Variants in FAM135A observed in about 807,000 individuals in gnomAD.
FAM135A encodes family with sequence similarity 135 member A.
Under a neutral mutation model 146.8 loss-of-function variants are expected in FAM135A, and 79 were observed. The observed-to-expected ratio is 0.54, with a 90% CI of 0.45 to 0.65. FAM135A has a LOEUF of 0.65. FAM135A is among the 30% of genes least tolerant of loss of function. The pLI, the probability that FAM135A is intolerant of heterozygous loss-of-function variation, is 0.00. For missense variants in FAM135A, 1,623 were observed against 1,758.2 expected, an observed-to-expected ratio of 0.92 and a Z score of 1.38; for synonymous variants, 562 against 603.6, an observed-to-expected ratio of 0.93 and a Z score of 1.01.
intron 12 of FAM135A, among the ~76,000 whole-genome samples, chr6:70,520,113 C>G (rs146150381): frequency 2.9e-3 from 440 of 151,950 alleles, no homozygotes; most frequent in African/African-American, 9.9e-3. Context: ...TCATCACGTT[C>G]TCATCATTTC....
At chr6:70,523,921 G>T (rs934782353) in intron 13 of FAM135A, 46 bp from the exon 14 acceptor site, 20 of 1,572,240 alleles carry the variant, frequency 1.3e-5, no homozygotes, top group Non-Finnish European at 1.6e-5. Flanking sequence ...GGGGAGTTGG[G>T]TATAATTTTT....
intron 10 of FAM135A, among the ~76,000 whole-genome samples, chr6:70,488,707 T>C (rs1785221529): frequency 6.6e-6 from 1 of 152,124 alleles, no homozygotes; most frequent in Non-Finnish European, 1.5e-5. Context: ...AGTATCTACA[T>C]GTTTTTATGC....
chr6:70,513,502 G>T (rs766690470), intron 12 of FAM135A: 1 of 151,064 alleles, frequency 6.6e-6, no homozygotes, highest in African/African-American at 2.4e-5. Flanking sequence ...CAATTTGTGG[G>T]CATGATATAG....
At chr6:70,491,131 C>T in intron 11 of FAM135A, 48 bp downstream of exon 11, 1 of 1,407,380 alleles carries the variant, frequency 7.1e-7, no homozygotes, top group East Asian at 2.3e-5. Flanking sequence ...TGAGTGGTTT[C>T]TGTTTCCTAT....
intron 3 of FAM135A, among the ~76,000 whole-genome samples, chr6:70,427,548 A>T (rs1391293264): frequency 6.6e-6 from 1 of 152,118 alleles, no homozygotes; most frequent in Non-Finnish European, 1.5e-5. Flanking sequence ...AAAAAAAAAA[A>T]AAATTAATAT....
chr6:70,478,926 G>GT (rs1344573648), intron 8 of FAM135A, among the ~76,000 whole-genome samples: 1 of 151,952 alleles, frequency 6.6e-6, no homozygotes, highest in Admixed American at 6.6e-5. Flanking sequence ...AACAAAGTGT[G>GT]TTTTTTGAAA....
chr6:70,543,871 A>G (rs1230181194), intron 20 of FAM135A, among the ~76,000 whole-genome samples: 1 of 152,200 alleles, frequency 6.6e-6, no homozygotes, highest in African/African-American at 2.4e-5. Context: ...TTATTAATTT[A>G]TTATTTGCCT....
At chr6:70,538,924 TC>T (rs1554167066) in intron 20 of FAM135A, among the ~76,000 whole-genome samples, 165 of 149,266 alleles carry the variant, frequency 1.1e-3, no homozygotes, top group Middle Eastern at 3.5e-3. Context: ...TTTCTACAAT[TC>T]TCACTACTGG....
At chr6:70,537,913 A>T (rs1436385365) in intron 19 of FAM135A, among the ~76,000 whole-genome samples, 5 of 152,242 alleles carry the variant, frequency 3.3e-5, no homozygotes, top group Admixed American at 1.3e-4. Flanking sequence ...TAGACTGATC[A>T]TTCTGCATAG....
At chr6:70,539,219 G>A (rs1006381164) in intron 20 of FAM135A, among the ~76,000 whole-genome samples, 1 of 152,094 alleles carries the variant, frequency 6.6e-6, no homozygotes, top group African/African-American at 2.4e-5. Flanking sequence ...AAGTGGAGAC[G>A]TAACTGAAAC....
intron 10 of FAM135A, among the ~76,000 whole-genome samples, chr6:70,484,966 T>C (rs1784355630): frequency 6.6e-6 from 1 of 152,356 alleles, no homozygotes; most frequent in African/African-American, 2.4e-5. Context: ...ATATAGAAAG[T>C]ATCGTAATAA....
Position 70,531,932 on chromosome 6 carries a change from G to A in FAM135A, c.3776-1228G>A, listed in dbSNP as rs1348257203. ...TTTTTTTGAGACAGAATCTCACTCC[G>A]TCAGCAGTGGCACGATCTCGGCTCA... is the stretch of plus-strand genomic sequence containing the variant. On this transcript the variant is annotated intron_variant, in intron 16 of 21. Transcript: ENST00000418814. Among the ~76,000 whole-genome samples, 8 of 120,568 alleles carry A rather than the reference G, an allele frequency of 6.6e-5. No homozygotes were observed. The Admixed American group carries it at 9.0e-4, about 14-fold the overall frequency. The allele number at this position is 120,568 out of a possible 152,430, so 79.1% of individuals were successfully genotyped here. A position where few individuals can be genotyped will look rare whatever the true frequency, so the allele number is the denominator to read the frequency against.
chr6:70,414,971 G>A (rs901387574), intron 1 of FAM135A, among the ~76,000 whole-genome samples: 3 of 152,250 alleles, frequency 2.0e-5, no homozygotes, highest in Non-Finnish European at 2.9e-5. Context: ...TTTTTAAAAT[G>A]TATTATTAAT....
At chr6:70,485,886 A>G (rs1582467481) in intron 10 of FAM135A, among the ~76,000 whole-genome samples, 1 of 152,232 alleles carries the variant, frequency 6.6e-6, no homozygotes, top group African/African-American at 2.4e-5. Context: ...TACACTTGTA[A>G]CAGCAGGGAG....
At chr6:70,554,656 T>C (rs1800482463) in intron 20 of FAM135A, among the ~76,000 whole-genome samples, 1 of 151,854 alleles carries the variant, frequency 6.6e-6, no homozygotes, top group East Asian at 1.9e-4. Context: ...TGAGACGGAG[T>C]CTCTTTTGTC....
chr6:70,481,870 C>A, intron 9 of FAM135A, 131 bp from the exon 10 acceptor site: 2 of 838,550 alleles, frequency 2.4e-6, no homozygotes, highest in South Asian at 5.1e-5. Context: ...CAAATATTAC[C>A]ACATTTTTTA....
intron 5 of FAM135A, among the ~76,000 whole-genome samples, chr6:70,456,765 C>T (rs1000544591): frequency 2.6e-5 from 4 of 152,168 alleles, no homozygotes; most frequent in African/African-American, 4.8e-5. Context: ...TTCTCTACCT[C>T]TGCTTATTGA....
intron 20 of FAM135A, among the ~76,000 whole-genome samples, chr6:70,556,252 A>AAAT (rs963991124): frequency 6.6e-6 from 1 of 152,126 alleles, no homozygotes; most frequent in Non-Finnish European, 1.5e-5. Context: ...CTATCTCAAA[A>AAAT]AATAATAATA....
intron 9 of FAM135A, 127 bp downstream of exon 9, chr6:70,481,154 A>T: frequency 5.9e-6 from 5 of 851,478 alleles, no homozygotes; most frequent in Non-Finnish European, 6.6e-6. Context: ...ATCTAATTAA[A>T]TATGATCTTA....
Sources: allele counts gnomAD v4.1 joint callset (sites outside exome capture counted in the v4.1 genomes callset), GRCh38; gene constraint gnomAD v4.1.1; transcripts MANE v1.5; gene names NCBI Gene and HGNC (gene_info 2026-07-23, HGNC 2026-07-21).